Variants in NCOA2 observed in about 807,000 individuals in gnomAD.
NCOA2 encodes nuclear receptor coactivator 2, also known as class E basic helix-loop-helix protein 75.
A neutral mutation model predicts 145.1 loss-of-function variants in NCOA2; 21 were observed. That is an observed-to-expected ratio of 0.14 (90% CI 0.10 to 0.21). The LOEUF (loss-of-function observed/expected upper bound fraction) is 0.21, where lower values mean the gene tolerates loss of function less well. Among genes scored for constraint, NCOA2 ranks in the 10% least tolerant of loss-of-function variants. The pLI is 1.00. For synonymous variants in NCOA2, 619 were observed against 637.5 expected (o/e 0.97, Z 0.44); for missense variants, 1,472 against 1,837.6 (o/e 0.80, Z 3.64).
chr8:70,219,533 G>A (rs1819949133), intron 2 of NCOA2, among the ~76,000 whole-genome samples: 1 of 152,146 alleles, frequency 6.6e-6, no homozygotes, highest in South Asian at 2.1e-4. Context: ...AAGGAAGGAT[G>A]GCTGCCTCCT....
chr8:70,443,201 C>A, the NCOA2 span, among the ~76,000 whole-genome samples: 2 of 132,846 alleles, frequency 1.5e-5, no homozygotes, highest in African/African-American at 5.8e-5. Context: ...TCCATTTCTA[C>A]AAAAAGTTTT....
chr8:70,174,617 G>C (rs1585958343), intron 5 of NCOA2, 139 bp downstream of exon 5: 1 of 713,946 alleles, frequency 1.4e-6, no homozygotes, highest in African/African-American at 1.8e-5. Context: ...AGACACACAG[G>C]CATATCAGCA....
chr8:70,133,101 T>C (rs1172635216), intron 15 of NCOA2, among the ~76,000 whole-genome samples: 1 of 151,702 alleles, frequency 6.6e-6, no homozygotes, highest in African/African-American at 2.4e-5. Flanking sequence ...TGTATGTGTG[T>C]AGTGATGCCA....
chr8:70,301,352 G>A, intron 1 of NCOA2, among the ~76,000 whole-genome samples: 1 of 152,032 alleles, frequency 6.6e-6, no homozygotes, highest in Non-Finnish European at 1.5e-5. Flanking sequence ...AGAGCTGGAT[G>A]TAAATAAAGA....
intron 4 of NCOA2, among the ~76,000 whole-genome samples, chr8:70,183,719 C>T (rs958870852): frequency 1.3e-5 from 2 of 152,150 alleles, no homozygotes; most frequent in Non-Finnish European, 2.9e-5. Context: ...GAAGTTAGGC[C>T]CCTGCCGCCG....
intron 13 of NCOA2, 125 bp from the exon 14 acceptor site, chr8:70,141,524 T>C: frequency 2.2e-6 from 2 of 889,500 alleles, no homozygotes; most frequent in Non-Finnish European, 1.8e-6. Context: ...CAATAGCTAA[T>C]GTTCTCATTG....
intron 1 of NCOA2, among the ~76,000 whole-genome samples, chr8:70,398,269 G>A (rs1413113453): frequency 1.3e-5 from 2 of 152,036 alleles, no homozygotes; most frequent in Non-Finnish European, 1.5e-5. Flanking sequence ...TCCAGCCTGG[G>A]GCAACATCGC....
At chr8:70,121,768 C>T (rs775995483) in intron 21 of NCOA2, among the ~76,000 whole-genome samples, 4 of 152,230 alleles carry the variant, frequency 2.6e-5, no homozygotes, top group Non-Finnish European at 5.9e-5. Flanking sequence ...AAATTCCTGA[C>T]ATCTTTGCTA....
the NCOA2 span, among the ~76,000 whole-genome samples, chr8:70,442,287 C>A: frequency 4.6e-5 from 7 of 152,210 alleles, no homozygotes; most frequent in East Asian, 1.4e-3. Flanking sequence ...GCATTTTAAG[C>A]CATTCTAGAT....
intron 4 of NCOA2, among the ~76,000 whole-genome samples, chr8:70,210,557 T>C (rs1466766828): frequency 6.6e-6 from 1 of 152,208 alleles, no homozygotes; most frequent in Non-Finnish European, 1.5e-5. Flanking sequence ...AAGCGCTACG[T>C]ACAACAGAAT....
At chr8:70,125,542 C>T (rs1808317206) in intron 19 of NCOA2, among the ~76,000 whole-genome samples, 1 of 152,142 alleles carries the variant, frequency 6.6e-6, no homozygotes, top group South Asian at 2.1e-4. Context: ...AGGCATGAGC[C>T]ATTGCACCTG....
intron 2 of NCOA2, among the ~76,000 whole-genome samples, chr8:70,285,014 T>C (rs1047119830): frequency 6.6e-6 from 1 of 152,188 alleles, no homozygotes; most frequent in Non-Finnish European, 1.5e-5. Flanking sequence ...AGGCTTTACA[T>C]TATATGCTCA....
At chr8:70,283,047 C>T (rs942495607) in intron 2 of NCOA2, among the ~76,000 whole-genome samples, 6 of 152,216 alleles carry the variant, frequency 3.9e-5, no homozygotes, top group Admixed American at 2.6e-4. Context: ...TCAGTACAGA[C>T]AGAGCTTGGC....
At chr8:70,352,205 G>C (rs1809308199) in intron 1 of NCOA2, among the ~76,000 whole-genome samples, 1 of 152,178 alleles carries the variant, frequency 6.6e-6, no homozygotes, top group South Asian at 2.1e-4. Context: ...CAAAGTATTA[G>C]ATGTTTAGAA....
Position 70,138,299 on chromosome 8 carries a change from G to A in NCOA2, c.3062C>T (p.Pro1021Leu), listed in dbSNP as rs750304549. The A allele has an allele frequency of 1.9e-6, 3 of 1,613,024 alleles. No homozygotes were observed. The highest frequency in any genetic ancestry group is 2.5e-6 in the Non-Finnish European group (3 of 1,179,434). The change falls in exon 15 of 23, where the codon CCT becomes CTT. Residue 1021 changes from proline (P) to leucine (L), a missense_variant. Physicochemically the swap from Pro to Leu is moderately conservative, Grantham distance 98. Around this residue, in one of 4 missense-constraint regions of NCOA2, gnomAD observed 953 missense variants for 1,062.1 expected, o/e 0.90. Transcript: ENST00000452400. ...PSELEMNMGG[P>L]QYSQQQAPPN... is the part of the protein sequence containing the mutation. ...AGGAGCTTGTTGTTGGCTATACTGA[G>A]GTCCCCCCATGTTCATCTCTAATTC...
intron 1 of NCOA2, among the ~76,000 whole-genome samples, chr8:70,371,559 T>C (rs1811218788): frequency 6.6e-6 from 1 of 152,174 alleles, no homozygotes; most frequent in Admixed American, 6.5e-5. Context: ...ACAAAGATAC[T>C]AAAAAGTTTT....
chr8:70,451,577 A>G, the NCOA2 span, among the ~76,000 whole-genome samples: 1 of 141,540 alleles, frequency 7.1e-6, no homozygotes, highest in Non-Finnish European at 1.5e-5. Flanking sequence ...AGCACTCACA[A>G]ATATTTTAAA....
chr8:70,414,107 A>G, the NCOA2 span, among the ~76,000 whole-genome samples: 12 of 152,342 alleles, frequency 7.9e-5, no homozygotes, highest in East Asian at 2.3e-3. Context: ...CTTTTCTTAT[A>G]AAACAACAAA....
At chr8:70,280,372 G>A (rs1014507605) in intron 2 of NCOA2, among the ~76,000 whole-genome samples, 3 of 152,240 alleles carry the variant, frequency 2.0e-5, no homozygotes, top group African/African-American at 4.8e-5. Flanking sequence ...AGGGGCGATC[G>A]CAATTCTGTT....
Sources: allele counts gnomAD v4.1 joint callset (sites outside exome capture counted in the v4.1 genomes callset), GRCh38; gene constraint gnomAD v4.1.1; regional missense constraint gnomAD v4.1.1; transcripts MANE v1.5; gene names NCBI Gene and HGNC (gene_info 2026-07-23, HGNC 2026-07-21).